The following FRMD4A variants were observed in gnomAD, a reference collection of about 807,000 sequenced individuals.
FRMD4A encodes the protein FERM domain-containing protein 4A.
FRMD4A carries 29 observed loss-of-function variants against 129.1 expected under a neutral mutation model. The ratio of observed to expected loss-of-function variants is 0.22; its 90% confidence interval spans 0.17 to 0.31. FRMD4A has a LOEUF of 0.31. Among genes scored for constraint, FRMD4A ranks in the 10% least tolerant of loss-of-function variants. FRMD4A has a pLI of 1.00. For missense variants in FRMD4A, 1,272 were observed against 1,375.8 expected (o/e 0.92, Z 1.19); for synonymous variants, 634 against 571.6 (o/e 1.11, Z -1.56).
intron 3 of FRMD4A, among the ~76,000 whole-genome samples, chr10:13,845,469 T>C (rs1332369533): frequency 6.6e-6 from 1 of 152,224 alleles, no homozygotes; most frequent in Non-Finnish European, 1.5e-5. Context: ...GAAGACCAGA[T>C]TATTAGGGAT....
At chr10:14,299,435 T>A (rs921868740) in intron 2 of FRMD4A, among the ~76,000 whole-genome samples, 1 of 152,162 alleles carries the variant, frequency 6.6e-6, no homozygotes, top group African/African-American at 2.4e-5. Flanking sequence ...GGGTACCTGC[T>A]ATAGCCTGGT....
intron 2 of FRMD4A, among the ~76,000 whole-genome samples, chr10:14,128,077 TTTCTTTCTTTCTTTCTTTCTTTC>T (rs1300673530): frequency 1.1e-4 from 13 of 114,532 alleles, no homozygotes; most frequent in African/African-American, 2.4e-4. Flanking sequence ...TCTTTCTTTC[TTTCTTTCTTTCTTTCTTTCTTTC>T]TTTCTTTTCT....
intron 2 of FRMD4A, among the ~76,000 whole-genome samples, chr10:14,318,968 C>T (rs1241968248): frequency 6.6e-6 from 1 of 152,190 alleles, no homozygotes; most frequent in Non-Finnish European, 1.5e-5. Context: ...CTCAGATACT[C>T]AGTTTTGGAG....
chr10:13,712,699 C>T (rs1276097875), intron 12 of FRMD4A, among the ~76,000 whole-genome samples: 7 of 152,162 alleles, frequency 4.6e-5, no homozygotes, highest in African/African-American at 1.4e-4. Flanking sequence ...ACTCCCAATG[C>T]GATCACAGGT....
chr10:14,020,872 G>A (rs1256099591), intron 2 of FRMD4A, among the ~76,000 whole-genome samples: 1 of 152,122 alleles, frequency 6.6e-6, no homozygotes, highest in Non-Finnish European at 1.5e-5. Flanking sequence ...TAGAGGTGGA[G>A]GAAAGGGGGA....
At chr10:14,304,212 G>A (rs530817019) in intron 2 of FRMD4A, among the ~76,000 whole-genome samples, 92 of 152,270 alleles carry the variant, frequency 6.0e-4, no homozygotes, top group African/African-American at 1.9e-3. Context: ...CTGCCATATC[G>A]TTTTCCAAAC....
At position 13,752,474 on chromosome 10, in the gene FRMD4A, C is replaced by G. The variant is rs148006060; in HGVS notation, c.465-4655G>C. 3.2e-3 allele frequency among the ~76,000 whole-genome samples: 491 copies of G among 152,270 alleles called. 2 individuals are homozygous for G. Among genetic ancestry groups the G allele is most frequent in the African/African-American group, 0.011 (451 of 41,552 alleles). On this transcript the variant is annotated intron_variant, in intron 8 of 24. Transcript: ENST00000357447. ...GGAAATAACTTTTTCAAGAAAGTCC[C>G]CCTGGGTCAAATGAGATGTATGTAA...
intron 2 of FRMD4A, among the ~76,000 whole-genome samples, chr10:14,241,965 A>G (rs143488259): frequency 1.3e-5 from 2 of 152,012 alleles, no homozygotes; most frequent in African/African-American, 4.8e-5. Context: ...TGCCTGTAAC[A>G]CTGAGCTCAG....
chr10:13,938,343 G>A (rs371300182), intron 2 of FRMD4A, among the ~76,000 whole-genome samples: 84 of 152,208 alleles, frequency 5.5e-4, no homozygotes, highest in African/African-American at 2.0e-3. Flanking sequence ...CCGGGTTCAA[G>A]CGATTCTCAC....
intron 5 of FRMD4A, among the ~76,000 whole-genome samples, chr10:13,790,541 G>C (rs983579617): frequency 3.9e-5 from 6 of 152,238 alleles, no homozygotes; most frequent in Non-Finnish European, 5.9e-5. Flanking sequence ...GCCAGGGACA[G>C]AGGGGACAAA....
At chr10:13,707,649 A>T in intron 12 of FRMD4A, 1 of 987,962 alleles carries the variant, frequency 1.0e-6, no homozygotes, top group Non-Finnish European at 1.2e-6. Context: ...CTGCTCACTA[A>T]TGTGTAAGAG....
intron 2 of FRMD4A, among the ~76,000 whole-genome samples, chr10:14,235,712 C>T (rs1331876958): frequency 6.6e-6 from 1 of 152,184 alleles, no homozygotes; most frequent in Admixed American, 6.5e-5. Context: ...CCGTTGCAGC[C>T]GTCACAAAAA....
chr10:13,815,238 A>C (rs977826950), intron 3 of FRMD4A, among the ~76,000 whole-genome samples: 1 of 152,232 alleles, frequency 6.6e-6, no homozygotes, highest in Non-Finnish European at 1.5e-5. Flanking sequence ...TTCGCCCTAA[A>C]AAGGAATGAA....
intron 2 of FRMD4A, among the ~76,000 whole-genome samples, chr10:14,036,268 A>G (rs1833498796): frequency 6.6e-6 from 1 of 152,144 alleles, no homozygotes; most frequent in African/African-American, 2.4e-5. Context: ...AGATGGCAAG[A>G]CTGAGAAAAG....
chr10:14,037,048 C>G (rs1353507889), intron 2 of FRMD4A, among the ~76,000 whole-genome samples: 1 of 152,200 alleles, frequency 6.6e-6, no homozygotes, highest in Non-Finnish European at 1.5e-5. Flanking sequence ...GACCTACAGC[C>G]ACCCAGTTCT....
At chr10:13,872,777 G>C (rs1178844185) in intron 2 of FRMD4A, among the ~76,000 whole-genome samples, 1 of 152,184 alleles carries the variant, frequency 6.6e-6, no homozygotes, top group Admixed American at 6.5e-5. Context: ...TTATATTTTT[G>C]TCTGTTCGTT....
rs1044514002 is a variant in FRMD4A at position 14,248,219 on chromosome 10, A to G, written c.45+81839T>C. ...TAGAAAACTAATCTGCCCAAATATAAGGAGACCCATCTTCTCCAATGAGAA... is the reference window on the plus strand; with the variant it reads ...TAGAAAACTAATCTGCCCAAATATAGGGAGACCCATCTTCTCCAATGAGAA... On this transcript the variant is annotated intron_variant, in intron 2 of 24. Coordinates refer to ENST00000357447, the MANE Select transcript of FRMD4A (RefSeq NM_018027.5). Among the ~76,000 whole-genome samples, 94 of 152,252 alleles carry G rather than the reference A, an allele frequency of 6.2e-4. 2 individuals are homozygous for G. The highest frequency in any genetic ancestry group is 3.9e-3 in the Admixed American group (59 of 15,296).
At position 13,762,968 on chromosome 10, in the gene FRMD4A, G is replaced by C. The variant is rs187772834; in HGVS notation, c.385-288C>G. Among the ~76,000 whole-genome samples the C allele has an allele frequency of 1.2e-3, 182 of 152,240 alleles. 1 individual carries two copies. The Middle Eastern group carries it at 0.014, about 11-fold the overall frequency. ...CCAGCCTGGGTAATGGGGTGAGTGA[G>C]ACCCTGGCTCAAAACAAACAAACAA... On this transcript the variant is annotated intron_variant, in intron 6 of 24. Transcript: ENST00000357447.
chr10:14,265,858 T>C (rs952354170), intron 2 of FRMD4A, among the ~76,000 whole-genome samples: 28 of 152,264 alleles, frequency 1.8e-4, no homozygotes, highest in African/African-American at 6.3e-4. Context: ...GAGGGAACCA[T>C]TTATCATAAA....
Sources: gnomAD v4.1 joint callset for allele counts (sites outside exome capture counted in the v4.1 genomes callset) on GRCh38, gnomAD v4.1.1 for gene constraint, MANE v1.5 for transcripts, NCBI Gene and HGNC (gene_info 2026-07-23, HGNC 2026-07-21) for gene names.